DHX35: variants seen among roughly 807,000 people sequenced by gnomAD.
The protein encoded by DHX35 is probable ATP-dependent RNA helicase DHX35.
Under a neutral mutation model 99.6 loss-of-function variants are expected in DHX35, and 84 were observed. That is an observed-to-expected ratio of 0.84 (90% CI 0.71 to 1.01). The LOEUF (loss-of-function observed/expected upper bound fraction) is 1.01. DHX35 is among the 50% of genes least tolerant of loss of function. The pLI is 0.00. For missense variants in DHX35, 852 were observed against 888.5 expected, an observed-to-expected ratio of 0.96 and a Z score of 0.52; for synonymous variants, 331 against 316.2, an observed-to-expected ratio of 1.05 and a Z score of -0.50.
intron 18 of DHX35, among the ~76,000 whole-genome samples, chr20:39,026,198 A>G (rs556078427): frequency 2.4e-4 from 37 of 152,250 alleles, no homozygotes; most frequent in African/African-American, 8.9e-4. Context: ...TGAGTGTTCC[A>G]TGTGTTTATT....
chr20:39,017,951 C>G (rs2086811160), intron 14 of DHX35, among the ~76,000 whole-genome samples: 1 of 152,162 alleles, frequency 6.6e-6, no homozygotes, highest in Non-Finnish European at 1.5e-5. Flanking sequence ...ACTCACAGTT[C>G]CACATGGCTG....
intron 13 of DHX35, 112 bp downstream of exon 13, chr20:39,010,516 T>C (rs2086686307): frequency 1.4e-6 from 2 of 1,428,242 alleles, no homozygotes; most frequent in Admixed American, 2.4e-5. Flanking sequence ...ACTCAGGTCA[T>C]GTGTTGTGTG....
In DHX35 at chr20:38,983,686, A is replaced by AT; in HGVS notation, c.268-9dup. 5.6e-6 allele frequency: 9 copies of AT among 1,613,496 alleles called. No homozygotes were observed. Among genetic ancestry groups the AT allele is most frequent in the Non-Finnish European group, 7.6e-6 (9 of 1,179,548 alleles). On this transcript the variant is annotated splice_polypyrimidine_tract_variant and intron_variant, in intron 3 of 21. Transcript: ENST00000252011. ...GGTATCATATGTATACTTAGATGTGATTTTGTTTGTAGTACCTTGCAGAAG... is the reference window on the plus strand; with the variant it reads ...GGTATCATATGTATACTTAGATGTGATTTTTGTTTGTAGTACCTTGCAGAAG...
At chr20:39,036,492 G>A (rs926415525) in intron 21 of DHX35, among the ~76,000 whole-genome samples, 50 of 152,244 alleles carry the variant, frequency 3.3e-4, no homozygotes, top group Admixed American at 3.3e-3. Flanking sequence ...TTGGGAGGCT[G>A]AGGTGGGTGG....
rs2086612547 is a variant in DHX35, at chr20:39,006,144, A to T, written c.1012-2A>T. On this transcript the variant is annotated splice_acceptor_variant, in intron 11 of 21. Coordinates refer to ENST00000252011, the MANE Select transcript of DHX35 (RefSeq NM_021931.4). LOFTEE classifies it high-confidence loss of function. ...TTATTCTTCTTTCTGTGGGGAACGT[A>T]GGTGATAGTGGCCACCAATGTGGCA... 6.2e-7 allele frequency: 1 copy of T among 1,612,124 alleles called. No homozygotes were observed. Among genetic ancestry groups the T allele is most frequent in the South Asian group, 1.1e-5 (1 of 90,988 alleles).
At chr20:38,998,052 G>T (rs1222747847) in intron 8 of DHX35, among the ~76,000 whole-genome samples, 1 of 152,254 alleles carries the variant, frequency 6.6e-6, no homozygotes, top group Non-Finnish European at 1.5e-5. Flanking sequence ...GGGAGGCAGA[G>T]ACCTGCAGAG....
At chr20:38,976,336 C>CTGTGTGTG (rs11472267) in intron 3 of DHX35, among the ~76,000 whole-genome samples, 185 of 146,146 alleles carry the variant, frequency 1.3e-3, no homozygotes, top group African/African-American at 4.4e-3. Flanking sequence ...AGAGAAGTGT[C>CTGTGTGTG]TGTGTGTGTG....
At position 38,992,413 on chromosome 20, in the gene DHX35, C is replaced by T. The variant is rs373143584; in HGVS notation, c.570C>T (p.Gly190=). The change falls in exon 7 of 22, where the codon GGC becomes GGT. Residue 190 remains glycine, a synonymous_variant. Coordinates refer to ENST00000252011, the MANE Select transcript of DHX35 (RefSeq NM_021931.4). The stretch of plus-strand genomic sequence containing the variant: ...CCTTGTACACTGACATTGCCATTGG[C>T]TTGCTAAAAAAGGTATGACTTCACT... ...ERTLYTDIAI[G]LLKKIQKKRG... The T allele has an allele frequency of 1.9e-4, 304 of 1,613,810 alleles. No individual in the cohort carries two copies. Among genetic ancestry groups the T allele is most frequent in the Non-Finnish European group, 2.5e-4 (293 of 1,179,912 alleles).
chr20:39,025,867 A>C (rs984380405), intron 18 of DHX35, among the ~76,000 whole-genome samples: 14 of 152,242 alleles, frequency 9.2e-5, no homozygotes, highest in African/African-American at 3.4e-4. Context: ...TCAGGGACAC[A>C]GTAGGTTACG....
At chr20:39,036,837 C>A (rs144000252) in intron 21 of DHX35, among the ~76,000 whole-genome samples, 264 of 151,854 alleles carry the variant, frequency 1.7e-3, no homozygotes, top group African/African-American at 6.2e-3. Context: ...ACTGTATAGT[C>A]CAAGGGCACT....
At position 38,969,256 on chromosome 20, in the gene DHX35, G is replaced by T. The variant is rs770515417; in HGVS notation, c.174+42G>T. ...TGTTCAACCTGTGGGCTTGAATCGT[G>T]TGTCTGCATTAGCTTTATGCTCAGC... On this transcript the variant is annotated intron_variant, in intron 2 of 21. Coordinates refer to ENST00000252011, the MANE Select transcript of DHX35 (RefSeq NM_021931.4). The T allele has an allele frequency of 1.6e-5, 26 of 1,577,104 alleles. No homozygotes were observed. In the Admixed American group the frequency reaches 4.4e-4, roughly 27 times the overall value.
At chr20:38,964,777 A>G (rs555927148) in intron 1 of DHX35, among the ~76,000 whole-genome samples, 1 of 152,332 alleles carries the variant, frequency 6.6e-6, no homozygotes, top group African/African-American at 2.4e-5. Context: ...CTTTAGAAAG[A>G]TAACACTGGC....
At chr20:38,968,011 A>T (rs1427841834) in intron 1 of DHX35, among the ~76,000 whole-genome samples, 2 of 152,036 alleles carry the variant, frequency 1.3e-5, no homozygotes, top group Admixed American at 1.3e-4. Context: ...AGCACTTATG[A>T]CCACTTCATG....
chr20:39,000,933 C>T (rs576606704), intron 8 of DHX35, among the ~76,000 whole-genome samples: 9 of 152,300 alleles, frequency 5.9e-5, no homozygotes, highest in African/African-American at 1.9e-4. Flanking sequence ...TCTTCTCAGT[C>T]TCAGCTTCTC....
At chr20:38,983,593 A>T in intron 3 of DHX35, 106 bp from the exon 4 acceptor site, 1 of 831,368 alleles carries the variant, frequency 1.2e-6, no homozygotes, top group Non-Finnish European at 1.9e-6. Context: ...CAAGAACTGT[A>T]CTTTTTCCTT....
At chr20:38,973,680 C>T (rs2086035371) in intron 3 of DHX35, among the ~76,000 whole-genome samples, 2 of 152,222 alleles carry the variant, frequency 1.3e-5, no homozygotes, top group South Asian at 4.1e-4. Context: ...CAGGGTTCGG[C>T]AAGTCACAGC....
chr20:38,978,163 A>C (rs2086112249), intron 3 of DHX35: 1 of 983,406 alleles, frequency 1.0e-6, no homozygotes, highest in Non-Finnish European at 1.6e-6. Flanking sequence ...CCTAAGGGAA[A>C]TCATTGGCTG....
chr20:38,997,277 G>T (rs933033977), intron 8 of DHX35, among the ~76,000 whole-genome samples: 1 of 151,954 alleles, frequency 6.6e-6, no homozygotes, highest in African/African-American at 2.4e-5. Context: ...CATCATGTTG[G>T]CCAGGCTGGT....
At position 39,015,023 on chromosome 20, in the gene DHX35, T is replaced by A. The variant is rs1419595291; in HGVS notation, c.1402+89T>A. ...CATATTCACTTTAGGGATTTTAGTATCTTCAGGAATGGGATTGGTTCTCCC... is the reference window on the plus strand; with the variant it reads ...CATATTCACTTTAGGGATTTTAGTAACTTCAGGAATGGGATTGGTTCTCCC... On this transcript the variant is annotated intron_variant, in intron 14 of 21. Transcript: ENST00000252011. 6 of 1,446,344 alleles carry A rather than the reference T, an allele frequency of 4.1e-6. No homozygotes were observed. The East Asian group carries it at 9.1e-5, about 22-fold the overall frequency. 89.6% of individuals were successfully genotyped at this position (1,446,344 alleles called of 1,614,324 possible). A position where few individuals can be genotyped will look rare whatever the true frequency, so the allele number is the denominator to read the frequency against.
Sources: allele counts gnomAD v4.1 joint callset (sites outside exome capture counted in the v4.1 genomes callset), GRCh38; gene constraint gnomAD v4.1.1; transcripts MANE v1.5; gene names NCBI Gene and HGNC (gene_info 2026-07-23, HGNC 2026-07-21).